Variants in FOXP2 observed in about 807,000 individuals in gnomAD.
FOXP2 encodes forkhead box P2, also known as forkhead box protein P2.
Under a neutral mutation model 115.8 loss-of-function variants are expected in FOXP2, and 12 were observed. That is an observed-to-expected ratio of 0.10 (90% CI 0.07 to 0.17). FOXP2 has a LOEUF of 0.17. FOXP2 is among the 10% of genes least tolerant of loss of function. FOXP2 has a pLI of 1.00. For synonymous variants in FOXP2, 328 were observed against 297.7 expected, an observed-to-expected ratio of 1.10 and a Z score of -1.05; for missense variants, 629 against 843.5, an observed-to-expected ratio of 0.75 and a Z score of 3.15.
At chr7:114,155,889 C>T (rs1022663879) in intron 1 of FOXP2, among the ~76,000 whole-genome samples, 1 of 152,078 alleles carries the variant, frequency 6.6e-6, no homozygotes, top group Non-Finnish European at 1.5e-5. Flanking sequence ...TTTTGTATGT[C>T]AGCATGTTTC....
intron 2 of FOXP2, among the ~76,000 whole-genome samples, chr7:114,466,578 T>C (rs1795807244): frequency 6.6e-6 from 1 of 152,196 alleles, no homozygotes; most frequent in Admixed American, 6.5e-5. Flanking sequence ...CCAGTCTTGA[T>C]GTAGTAGATG....
At chr7:114,651,486 T>G (rs1806250768) in intron 8 of FOXP2, among the ~76,000 whole-genome samples, 1 of 152,112 alleles carries the variant, frequency 6.6e-6, no homozygotes, top group Non-Finnish European at 1.5e-5. Context: ...ATTAAAGAGA[T>G]CTCTTTAAAC....
chr7:114,370,568 A>G (rs981314782), intron 2 of FOXP2, among the ~76,000 whole-genome samples: 2 of 152,196 alleles, frequency 1.3e-5, no homozygotes, highest in African/African-American at 4.8e-5. Context: ...TTACCAGAAC[A>G]TGTAAAGCAA....
chr7:114,197,458 T>C (rs1793942669), intron 1 of FOXP2, among the ~76,000 whole-genome samples: 1 of 152,180 alleles, frequency 6.6e-6, no homozygotes, highest in Middle Eastern at 3.2e-3. Flanking sequence ...TCTGTGTCTC[T>C]TTATGAGGGC....
At chr7:114,219,879 T>G (rs1168411919) in intron 1 of FOXP2, among the ~76,000 whole-genome samples, 1 of 151,826 alleles carries the variant, frequency 6.6e-6, no homozygotes, top group African/African-American at 2.4e-5. Context: ...TTTTTTCTAA[T>G]GGAGTTTCGC....
chr7:114,441,078 G>T (rs1208431580), intron 2 of FOXP2, among the ~76,000 whole-genome samples: 2 of 152,078 alleles, frequency 1.3e-5, no homozygotes, highest in East Asian at 3.9e-4. Context: ...TCCAATAAAT[G>T]TCCTGTTTTT....
intron 2 of FOXP2, among the ~76,000 whole-genome samples, chr7:114,525,888 G>T (rs905556076): frequency 6.6e-6 from 1 of 152,056 alleles, no homozygotes; most frequent in East Asian, 1.9e-4. Context: ...GAGATGGGCA[G>T]ATCACTTGAG....
At chr7:114,590,382 T>C (rs1454621284) in intron 3 of FOXP2, among the ~76,000 whole-genome samples, 1 of 152,186 alleles carries the variant, frequency 6.6e-6, no homozygotes, top group Admixed American at 6.6e-5. Flanking sequence ...CTGCAGCAAC[T>C]TCATAGCCTG....
intron 2 of FOXP2, among the ~76,000 whole-genome samples, chr7:114,526,588 T>C (rs570296500): frequency 6.6e-6 from 1 of 152,252 alleles, no homozygotes; most frequent in Admixed American, 6.5e-5. Context: ...CTCATGGCTA[T>C]GGTTTTCCCC....
At chr7:114,548,348 A>G (rs1473802044) in intron 3 of FOXP2, among the ~76,000 whole-genome samples, 5 of 152,214 alleles carry the variant, frequency 3.3e-5, no homozygotes, top group Admixed American at 6.5e-5. Flanking sequence ...GATCATGTTT[A>G]GTCAGGCACT....
intron 16 of FOXP2, among the ~76,000 whole-genome samples, chr7:114,678,315 C>T (rs1301124422): frequency 6.6e-6 from 1 of 152,104 alleles, no homozygotes; most frequent in Non-Finnish European, 1.5e-5. Context: ...TCCTTTGCCT[C>T]AGGACAGGCA....
chr7:114,530,669 G>C (rs1043775750), intron 2 of FOXP2, among the ~76,000 whole-genome samples: 9 of 151,782 alleles, frequency 5.9e-5, no homozygotes, highest in Admixed American at 5.3e-4. Flanking sequence ...TATCTGGCAG[G>C]TTACAAAGCA....
chr7:114,242,461 A>T (rs1405108993), intron 1 of FOXP2, among the ~76,000 whole-genome samples: 1 of 152,020 alleles, frequency 6.6e-6, no homozygotes, highest in East Asian at 1.9e-4. Context: ...TTACAATTTG[A>T]CCATATCCCC....
chr7:114,418,170 G>C (rs1793434011), intron 1 of FOXP2, among the ~76,000 whole-genome samples: 1 of 151,854 alleles, frequency 6.6e-6, no homozygotes, highest in African/African-American at 2.4e-5. Context: ...TTTTTCTTCT[G>C]ACCAATTTCT....
chr7:114,590,943 T>C (rs984121929), intron 3 of FOXP2, among the ~76,000 whole-genome samples: 7 of 152,160 alleles, frequency 4.6e-5, no homozygotes, highest in African/African-American at 1.7e-4. Context: ...AGGAATCTCA[T>C]TGACAAAAGC....
At chr7:114,494,919 AT>A (rs2129247226) in intron 2 of FOXP2, among the ~76,000 whole-genome samples, 1 of 152,260 alleles carries the variant, frequency 6.6e-6, no homozygotes, top group South Asian at 2.1e-4. Flanking sequence ...TTTAGTTTTC[AT>A]TGCTTACATT....
intron 1 of FOXP2, among the ~76,000 whole-genome samples, chr7:114,125,697 C>A (rs1478080398): frequency 6.6e-6 from 1 of 152,124 alleles, no homozygotes; most frequent in Non-Finnish European, 1.5e-5. Context: ...ATCATGACTT[C>A]TGCCCTTCCT....
At chr7:114,624,871 A>T (rs755219764) in intron 3 of FOXP2, among the ~76,000 whole-genome samples, 20 of 151,518 alleles carry the variant, frequency 1.3e-4, no homozygotes, top group Non-Finnish European at 2.5e-4. Flanking sequence ...CTTATTAATA[A>T]TAGGTGATAT....
At chr7:114,496,196 AATG>A (rs1254238234) in intron 2 of FOXP2, among the ~76,000 whole-genome samples, 4 of 152,276 alleles carry the variant, frequency 2.6e-5, no homozygotes, top group Non-Finnish European at 4.4e-5. Flanking sequence ...GAAAAAGAAA[AATG>A]ATAATATTTA....
Sources: gnomAD v4.1 joint callset for allele counts (sites outside exome capture counted in the v4.1 genomes callset) on GRCh38, gnomAD v4.1.1 for gene constraint, MANE v1.5 for transcripts, NCBI Gene and HGNC (gene_info 2026-07-23, HGNC 2026-07-21) for gene names.